Variants in ARB2A observed in about 807,000 individuals in gnomAD.
The protein encoded by ARB2A is ARB2 cotranscriptional regulator A.
chr5:94,053,974 G>A, the ARB2A span, among the ~76,000 whole-genome samples: 1 of 152,114 alleles, frequency 6.6e-6, no homozygotes, highest in East Asian at 1.9e-4. Flanking sequence ...TCACCATGTT[G>A]CCCAGGCTGG....
At chr5:93,937,504 C>G in the ARB2A span, among the ~76,000 whole-genome samples, 1 of 151,326 alleles carries the variant, frequency 6.6e-6, no homozygotes, top group African/African-American at 2.4e-5. Flanking sequence ...CCCAGCTATT[C>G]GGGAGGCTGA....
chr5:94,020,508 G>C, the ARB2A span, among the ~76,000 whole-genome samples: 6 of 152,182 alleles, frequency 3.9e-5, no homozygotes, highest in Non-Finnish European at 5.9e-5. Context: ...TGCCCAAATG[G>C]TAAGTCTAGG....
the ARB2A span, among the ~76,000 whole-genome samples, chr5:94,032,060 A>G: frequency 6.6e-6 from 1 of 152,178 alleles, no homozygotes; most frequent in Admixed American, 6.5e-5. Context: ...CCCAGGCAGA[A>G]TCCTAATGCA....
At chr5:93,639,907 T>C in the ARB2A span, among the ~76,000 whole-genome samples, 1 of 150,904 alleles carries the variant, frequency 6.6e-6, no homozygotes, top group Non-Finnish European at 1.5e-5. Context: ...TAGCTGGGCA[T>C]GGTGGCGGGC....
At chr5:93,884,108 T>A in the ARB2A span, among the ~76,000 whole-genome samples, 3 of 151,324 alleles carry the variant, frequency 2.0e-5, no homozygotes, top group Non-Finnish European at 4.4e-5. Context: ...GGTAAAAGAG[T>A]GGGACTTTAA....
the ARB2A span, among the ~76,000 whole-genome samples, chr5:94,034,255 T>G: frequency 1.3e-5 from 2 of 152,238 alleles, no homozygotes; most frequent in African/African-American, 4.8e-5. Flanking sequence ...CTTAATTATA[T>G]ATTCCAAGTC....
At chr5:93,946,212 C>T in the ARB2A span, among the ~76,000 whole-genome samples, 1 of 151,668 alleles carries the variant, frequency 6.6e-6, no homozygotes, top group Admixed American at 6.6e-5. Flanking sequence ...TACAGGAAGA[C>T]AAGACATTGA....
the ARB2A span, among the ~76,000 whole-genome samples, chr5:93,731,149 T>C: frequency 6.6e-6 from 1 of 152,122 alleles, no homozygotes; most frequent in Non-Finnish European, 1.5e-5. Flanking sequence ...TGTTATTGGG[T>C]GAATTGTGTC....
chr5:93,655,293 A>G, the ARB2A span, among the ~76,000 whole-genome samples: 247 of 152,346 alleles, frequency 1.6e-3, 3 homozygotes, highest in African/African-American at 5.7e-3. Context: ...TCATTTGCAT[A>G]TAAATGACCA....
At chr5:93,867,260 C>G in the ARB2A span, among the ~76,000 whole-genome samples, 3 of 152,194 alleles carry the variant, frequency 2.0e-5, no homozygotes, top group Non-Finnish European at 4.4e-5. Flanking sequence ...AAAATAGTGA[C>G]TGTTTATAAC....
chr5:93,782,055 C>G, the ARB2A span: 2 of 329,078 alleles, frequency 6.1e-6, no homozygotes, highest in South Asian at 2.4e-4. Context: ...GTAATCTTCT[C>G]TACAAGAGGT....
At chr5:93,972,813 C>T in the ARB2A span, among the ~76,000 whole-genome samples, 9 of 151,760 alleles carry the variant, frequency 5.9e-5, no homozygotes, top group African/African-American at 1.5e-4. Flanking sequence ...TGGTGGCTCA[C>T]GCCTGTGATC....
chr5:93,892,519 A>T, the ARB2A span, among the ~76,000 whole-genome samples: 2 of 152,212 alleles, frequency 1.3e-5, no homozygotes, highest in African/African-American at 4.8e-5. Context: ...ACTCCTTAAA[A>T]GTAGTTTCAA....
At chr5:94,106,135 A>C in the ARB2A span, among the ~76,000 whole-genome samples, 5 of 152,048 alleles carry the variant, frequency 3.3e-5, no homozygotes, top group Non-Finnish European at 7.4e-5. Context: ...GAAAAGAAAG[A>C]CCTAATTAAA....
At chr5:94,096,133 C>G in the ARB2A span, among the ~76,000 whole-genome samples, 2 of 152,296 alleles carry the variant, frequency 1.3e-5, no homozygotes, top group East Asian at 3.9e-4. Flanking sequence ...ATTCCAGAGT[C>G]ATTTCCATAG....
At chr5:93,908,974 C>T in the ARB2A span, among the ~76,000 whole-genome samples, 2 of 151,052 alleles carry the variant, frequency 1.3e-5, no homozygotes, top group African/African-American at 2.4e-5. Flanking sequence ...ATGAACGAGA[C>T]GTCTTACATT....
chr5:93,662,554 C>T, the ARB2A span, among the ~76,000 whole-genome samples: 1 of 152,170 alleles, frequency 6.6e-6, no homozygotes, highest in Admixed American at 6.5e-5. Flanking sequence ...TACACATATA[C>T]ATAAAATATA....
the ARB2A span, among the ~76,000 whole-genome samples, chr5:94,054,763 AT>A: frequency 2.6e-5 from 4 of 152,182 alleles, no homozygotes; most frequent in South Asian, 2.1e-4. Flanking sequence ...TGTATGGAAT[AT>A]TCATCTCTCT....
the ARB2A span, among the ~76,000 whole-genome samples, chr5:93,667,430 T>C: frequency 1.3e-5 from 2 of 152,202 alleles, no homozygotes; most frequent in African/African-American, 4.8e-5. Context: ...GTATTCTTGA[T>C]AGATGCCCAC....
Sources: gnomAD v4.1 joint callset for allele counts (sites outside exome capture counted in the v4.1 genomes callset) on GRCh38, gnomAD v4.1.1 for gene constraint, MANE v1.5 for transcripts, NCBI Gene and HGNC (gene_info 2026-07-23, HGNC 2026-07-21) for gene names.